SPTA1: variants seen among roughly 807,000 people sequenced by gnomAD.
The protein encoded by SPTA1 is spectrin alpha, erythrocytic 1, also known as spectrin alpha chain, erythrocytic 1.
In SPTA1, 177 loss-of-function variants were observed where a neutral mutation model predicts 324.7. The ratio of observed to expected loss-of-function variants is 0.55; its 90% CI spans 0.48 to 0.62. The LOEUF (loss-of-function observed/expected upper bound fraction) is 0.62, where lower values mean the gene tolerates loss of function less well. SPTA1 is among the 20% of genes least tolerant of loss of function. The pLI, the probability that SPTA1 is intolerant of heterozygous loss-of-function variation, is 0.00. For missense variants in SPTA1, 3,162 were observed against 2,883.6 expected (o/e 1.10, Z -2.21); for synonymous variants, 1,195 against 1,041.3 (o/e 1.15, Z -2.84).
chr1:158,654,084 A>G (rs1005481997), intron 21 of SPTA1, among the ~76,000 whole-genome samples: 1 of 152,204 alleles, frequency 6.6e-6, no homozygotes, highest in Non-Finnish European at 1.5e-5. Flanking sequence ...TTTGTAGATT[A>G]ATTAGGTATC....
chr1:158,618,141 C>T, intron 45 of SPTA1, 85 bp from the exon 46 acceptor site: 1 of 1,366,124 alleles, frequency 7.3e-7, no homozygotes, highest in East Asian at 2.3e-5. Flanking sequence ...GATCTCATTT[C>T]CTCAGATTTA....
In SPTA1 at chr1:158,627,688, G is replaced by T; in HGVS notation, c.5601C>A (p.Asp1867Glu). 6.2e-7 allele frequency: 1 copy of T among 1,613,186 alleles called. No homozygotes were observed. The highest frequency in any genetic ancestry group is 1.1e-5 in the South Asian group (1 of 91,080). Residue 1867 changes from aspartate to glutamate, a missense_variant, in exon 40 of 52, where the codon GAC becomes GAA. Asp to Glu is a conservative substitution (Grantham distance 45). Transcript: ENST00000643759. ...GTACTCGGGTCTCATGGACAGCAAA[G>T]TCATTTTCCAAAGCTTCATGCTTCA... ...LLMKHEALEN[D>E]FAVHETRVQN...
At chr1:158,639,815 G>T in intron 34 of SPTA1, 55 bp downstream of exon 34, 1 of 1,613,382 alleles carries the variant, frequency 6.2e-7, no homozygotes, top group Non-Finnish European at 8.5e-7. Context: ...AAATTCATTT[G>T]TCTGACAAGT....
chr1:158,632,561 A>G (rs570708964), intron 39 of SPTA1, among the ~76,000 whole-genome samples: 1 of 152,336 alleles, frequency 6.6e-6, no homozygotes, highest in East Asian at 1.9e-4. Context: ...AAAAAATGTA[A>G]AACATCATTA....
intron 3 of SPTA1, among the ~76,000 whole-genome samples, chr1:158,682,783 T>G (rs755789808): frequency 1.3e-5 from 2 of 152,178 alleles, no homozygotes; most frequent in Non-Finnish European, 1.5e-5. Flanking sequence ...AATAATAGAT[T>G]ACAGAGTATG....
At chr1:158,654,785 T>C in intron 20 of SPTA1, 37 bp from the exon 21 acceptor site, 1 of 1,610,972 alleles carries the variant, frequency 6.2e-7, no homozygotes, top group Non-Finnish European at 8.5e-7. Context: ...AGTCACGCAC[T>C]GGAAATATCT....
chr1:158,619,591 A>C (rs1461693849), intron 44 of SPTA1, among the ~76,000 whole-genome samples: 1 of 152,158 alleles, frequency 6.6e-6, no homozygotes, highest in East Asian at 1.9e-4. Flanking sequence ...CTAGTAATAA[A>C]AGCAAACCTC....
At chr1:158,611,982 G>T (rs1044017405) in intron 51 of SPTA1, 2 of 156,094 alleles carry the variant, frequency 1.3e-5, no homozygotes, top group Non-Finnish European at 2.8e-5. Context: ...CAGCTTTGTC[G>T]AGGTATGATT....
At chr1:158,664,252 A>G (rs1171547606) in intron 16 of SPTA1, among the ~76,000 whole-genome samples, 1 of 152,234 alleles carries the variant, frequency 6.6e-6, no homozygotes, top group Non-Finnish European at 1.5e-5. Context: ...AGCAGTATTT[A>G]CAATAGCAAA....
intron 8 of SPTA1, 95 bp downstream of exon 8, chr1:158,676,046 C>G: frequency 6.5e-7 from 1 of 1,541,968 alleles, no homozygotes; most frequent in South Asian, 1.1e-5. Flanking sequence ...CTGATTCTCT[C>G]GCTATTTGAC....
At chr1:158,647,757 G>A (rs752413833) in intron 26 of SPTA1, 37 bp from the exon 27 acceptor site, 53 of 1,611,366 alleles carry the variant, frequency 3.3e-5, no homozygotes, top group Non-Finnish European at 4.3e-5. Context: ...TCAGCCTAGA[G>A]ACACACCTGA....
At chr1:158,625,422 T>C (rs1249169085) in intron 42 of SPTA1, among the ~76,000 whole-genome samples, 2 of 152,110 alleles carry the variant, frequency 1.3e-5, no homozygotes, top group African/African-American at 2.4e-5. Flanking sequence ...AATGAAAATC[T>C]GGTTGGTAAT....
intron 25 of SPTA1, 133 bp from the exon 26 acceptor site, chr1:158,648,786 A>C: frequency 1.1e-6 from 1 of 898,576 alleles, no homozygotes. Context: ...ACCAATTATC[A>C]TCATTGTTTT....
Position 158,626,133 on chromosome 1 carries a change from C to G in SPTA1, c.5910+13G>C, listed in dbSNP as rs772421549. Reference sequence around the variant, plus strand: ...ATCAGGTCTTGGGCTTACCTAACATCTATCAATCTCACCTGTTTTGCCAGA... The same window carrying G: ...ATCAGGTCTTGGGCTTACCTAACATGTATCAATCTCACCTGTTTTGCCAGA... On this transcript the variant is annotated intron_variant, in intron 42 of 51. Transcript: ENST00000643759. 1 of 1,612,266 alleles carries G rather than the reference C, an allele frequency of 6.2e-7. No individual in the cohort carries two copies. Among genetic ancestry groups the G allele is most frequent in the African/African-American group, 1.3e-5 (1 of 74,898 alleles).
chr1:158,626,538 G>A (rs566166970), intron 41 of SPTA1, among the ~76,000 whole-genome samples: 2 of 152,248 alleles, frequency 1.3e-5, no homozygotes, highest in South Asian at 4.1e-4. Context: ...TTTTGCTATG[G>A]CTTTCCCTTT....
At chr1:158,675,295 C>G (rs994025552) in intron 8 of SPTA1, among the ~76,000 whole-genome samples, 1 of 152,088 alleles carries the variant, frequency 6.6e-6, no homozygotes, top group Non-Finnish European at 1.5e-5. Context: ...GGAAATAATA[C>G]TGAAGTTATT....
chr1:158,684,846 C>T (rs1455255516), intron 2 of SPTA1, among the ~76,000 whole-genome samples: 1 of 152,220 alleles, frequency 6.6e-6, no homozygotes, highest in Non-Finnish European at 1.5e-5. Flanking sequence ...CAGTTCTGTG[C>T]TTTCAACAAC....
At chr1:158,633,822 T>C (rs534601645) in intron 39 of SPTA1, among the ~76,000 whole-genome samples, 3 of 152,248 alleles carry the variant, frequency 2.0e-5, no homozygotes, top group African/African-American at 7.2e-5. Flanking sequence ...GCTGATAATT[T>C]GAATTATATG....
rs372838864 is a variant in SPTA1 at position 158,647,607 on chromosome 1, C to A, written c.3828G>T (p.Gly1276=). The change falls in exon 27 of 52, where the codon GGG becomes GGT. Residue 1276 remains glycine (G), a synonymous_variant. Coordinates refer to ENST00000643759, the MANE Select transcript of SPTA1 (RefSeq NM_003126.4). Reference sequence around the variant, plus strand: ...GGCTCTCCTTACGATCCTTTGTACGCCCCTGCAGGTCTTCCCAGGCCTCAT... The same window carrying A: ...GGCTCTCCTTACGATCCTTTGTACGACCCTGCAGGTCTTCCCAGGCCTCAT... ...ELNEAWEDLQ[G]RTKDRKESLN... The A allele has an allele frequency of 6.2e-7, 1 of 1,613,804 alleles. No individual in the cohort carries two copies. The highest frequency in any genetic ancestry group is 8.5e-7 in the Non-Finnish European group (1 of 1,179,938).
Sources: allele counts gnomAD v4.1 joint callset (sites outside exome capture counted in the v4.1 genomes callset), GRCh38; gene constraint gnomAD v4.1.1; transcripts MANE v1.5; gene names NCBI Gene and HGNC (gene_info 2026-07-23, HGNC 2026-07-21).